Variants in TRMT11 observed in about 807,000 individuals in gnomAD.
TRMT11 encodes tRNA (guanine(10)-N(2))-methyltransferase TRMT11.
A neutral mutation model predicts 62.8 loss-of-function variants in TRMT11; 53 were observed. The observed-to-expected ratio is 0.84, with a 90% CI of 0.68 to 1.06. TRMT11 has a LOEUF of 1.06. Among genes scored for constraint, TRMT11 ranks in the 50% least tolerant of loss-of-function variants. The probability of loss-of-function intolerance (pLI) is 0.00; values close to 1 mark genes in which losing one functional copy is unlikely to be tolerated. For synonymous variants in TRMT11, 188 were observed against 190.3 expected, an observed-to-expected ratio of 0.99 and a Z score of 0.10; for missense variants, 556 against 553.4, an observed-to-expected ratio of 1.00 and a Z score of -0.05.
chr6:126,042,846 T>A (rs1775919801), downstream of TRMT11, among the ~76,000 whole-genome samples: 1 of 152,116 alleles, frequency 6.6e-6, no homozygotes, highest in Admixed American at 6.6e-5. Context: ...GAGTTGTGCT[T>A]TGATGGACTG....
At chr6:126,204,126 G>T (rs759285725), downstream of TRMT11, among the ~76,000 whole-genome samples, 2 of 152,162 alleles carry the variant, frequency 1.3e-5, no homozygotes, top group African/African-American at 2.4e-5. Context: ...AGGCATTAAA[G>T]AAATAATTAT....
At position 126,165,985 on chromosome 6, in the gene TRMT11, T is replaced by C. The variant is rs867351048; in HGVS notation, c.*1824-8840T>C. 2.0e-5 allele frequency among the ~76,000 whole-genome samples: 3 copies of C among 152,292 alleles called. No homozygotes were observed. In the East Asian group the frequency reaches 5.8e-4, roughly 29 times the overall value. On this transcript the variant is annotated intron_variant and NMD_transcript_variant, in intron 21 of 22. Coordinates refer to the TRMT11 transcript ENST00000648977. Reference sequence around the variant, plus strand: ...TCTTGGAGGCTTTGTTCATTCCTTTTAATTCTTTTTTCTCTAATCTTGTCT... The same window carrying C: ...TCTTGGAGGCTTTGTTCATTCCTTTCAATTCTTTTTTCTCTAATCTTGTCT...
chr6:126,059,637 T>G (rs1343457475), intron 17 of TRMT11, among the ~76,000 whole-genome samples: 1 of 152,224 alleles, frequency 6.6e-6, no homozygotes, highest in Non-Finnish European at 1.5e-5. Flanking sequence ...ATATCAATTT[T>G]GTAGATGAAG....
At chr6:125,986,933 AG>A (rs1789739312) in intron 1 of TRMT11, 1 of 381,708 alleles carries the variant, frequency 2.6e-6, no homozygotes, top group Non-Finnish European at 4.7e-6. Flanking sequence ...CGGAGAATAG[AG>A]ACAGCTAACA....
At chr6:126,207,863 G>A (rs1778804629), downstream of TRMT11, among the ~76,000 whole-genome samples, 1 of 152,124 alleles carries the variant, frequency 6.6e-6, no homozygotes, top group South Asian at 2.1e-4. Context: ...AATGCACAAA[G>A]TGAACTCAAG....
intron 17 of TRMT11, among the ~76,000 whole-genome samples, chr6:126,055,251 C>T (rs950962987): frequency 7.2e-5 from 11 of 152,194 alleles, no homozygotes; most frequent in African/African-American, 2.7e-4. Context: ...AGGCATGAGC[C>T]ACTGTGCCTG....
downstream of TRMT11, among the ~76,000 whole-genome samples, chr6:126,206,683 T>C (rs571564177): frequency 2.4e-3 from 372 of 152,332 alleles, no homozygotes; most frequent in African/African-American, 8.5e-3. Flanking sequence ...TCTTTAAGCC[T>C]CCCTTGGATT....
At chr6:126,192,993 G>A (rs1413401208) in intron 1 of TRMT11, among the ~76,000 whole-genome samples, 1 of 152,088 alleles carries the variant, frequency 6.6e-6, no homozygotes, top group East Asian at 1.9e-4. Flanking sequence ...TTTGAAATAG[G>A]TTAGTAGAAT....
At chr6:126,260,585 C>T in the TRMT11 span, among the ~76,000 whole-genome samples, 1 of 152,140 alleles carries the variant, frequency 6.6e-6, no homozygotes, top group Non-Finnish European at 1.5e-5. Flanking sequence ...AGTTGTAGCA[C>T]TCCCTTAAGC....
chr6:126,044,243 G>A (rs1468008520), downstream of TRMT11, among the ~76,000 whole-genome samples: 2 of 152,144 alleles, frequency 1.3e-5, no homozygotes, highest in African/African-American at 4.8e-5. Flanking sequence ...AAAGTGTAAG[G>A]AAGGGATCCA....
the TRMT11 span, among the ~76,000 whole-genome samples, chr6:126,223,037 A>G: frequency 6.6e-6 from 1 of 152,186 alleles, no homozygotes; most frequent in Admixed American, 6.5e-5. Context: ...TTCTCTTAAC[A>G]TTTGCTTATC....
chr6:126,115,959 T>A (rs958403920), intron 21 of TRMT11, among the ~76,000 whole-genome samples: 1 of 151,288 alleles, frequency 6.6e-6, no homozygotes, highest in Non-Finnish European at 1.5e-5. Flanking sequence ...GGCTCCCCCC[T>A]CCAAGATTCT....
chr6:126,133,028 T>G (rs1377988848), intron 21 of TRMT11, among the ~76,000 whole-genome samples: 1 of 151,996 alleles, frequency 6.6e-6, no homozygotes, highest in Admixed American at 6.6e-5. Flanking sequence ...TTAAGAGTTA[T>G]TTGAGCTCCA....
At chr6:126,050,349 A>C (rs1321749501) in intron 16 of TRMT11, among the ~76,000 whole-genome samples, 1 of 149,660 alleles carries the variant, frequency 6.7e-6, no homozygotes, top group Non-Finnish European at 1.5e-5. Flanking sequence ...AAAAAAAAAA[A>C]TAGACAATAG....
chr6:126,088,805 T>G (rs1418250359), intron 17 of TRMT11, among the ~76,000 whole-genome samples: 1 of 152,122 alleles, frequency 6.6e-6, no homozygotes, highest in Non-Finnish European at 1.5e-5. Flanking sequence ...AGAACAGACA[T>G]TTAGATTGAT....
chr6:126,076,101 AGGTTGTGGGG>A (rs1777014729), intron 17 of TRMT11, among the ~76,000 whole-genome samples: 1 of 134,054 alleles, frequency 7.5e-6, no homozygotes, highest in Non-Finnish European at 1.6e-5. Context: ...TAAGGTTAGT[AGGTTGTGGGG>A]GGTTGGGGGT....
intron 21 of TRMT11, among the ~76,000 whole-genome samples, chr6:126,116,703 T>C (rs765243332): frequency 6.6e-6 from 1 of 152,136 alleles, no homozygotes; most frequent in African/African-American, 2.4e-5. Flanking sequence ...GTCAGTAGTA[T>C]TTTAACTGTA....
chr6:126,043,810 G>A (rs1261252657), downstream of TRMT11, among the ~76,000 whole-genome samples: 10 of 150,984 alleles, frequency 6.6e-5, no homozygotes, highest in Admixed American at 2.6e-4. Flanking sequence ...GCCAGTGATG[G>A]TGAGCATTTT....
intron 17 of TRMT11, among the ~76,000 whole-genome samples, chr6:126,066,849 G>C (rs985823925): frequency 4.6e-5 from 7 of 151,678 alleles, no homozygotes; most frequent in African/African-American, 1.7e-4. Flanking sequence ...CTGGATTTTA[G>C]CCACAGTGAA....
Sources: allele counts gnomAD v4.1 joint callset (sites outside exome capture counted in the v4.1 genomes callset), GRCh38; gene constraint gnomAD v4.1.1; transcripts MANE v1.5; gene names NCBI Gene and HGNC (gene_info 2026-07-23, HGNC 2026-07-21).